TBC1D14: variants seen among roughly 807,000 people sequenced by gnomAD.
The protein encoded by TBC1D14 is TBC1 domain family, member 14.
In TBC1D14, 26 loss-of-function variants were observed where a neutral mutation model predicts 79.0. That is an observed-to-expected ratio of 0.33 (90% confidence interval 0.24 to 0.46). The LOEUF is 0.46. Ranked by LOEUF, TBC1D14 falls within the 20% of genes least tolerant of loss-of-function variation. The pLI is 1.00. For missense variants in TBC1D14, 769 were observed against 887.6 expected, an observed-to-expected ratio of 0.87 and a Z score of 1.70; for synonymous variants, 394 against 349.9, an observed-to-expected ratio of 1.13 and a Z score of -1.40.
chr4:6,937,048 G>A (rs1342337026), intron 2 of TBC1D14, among the ~76,000 whole-genome samples: 3 of 152,282 alleles, frequency 2.0e-5, no homozygotes, highest in Admixed American at 2.0e-4. Flanking sequence ...CTCCCTAGTA[G>A]CTGGGATTAC....
chr4:6,996,236 T>C, intron 4 of TBC1D14, 89 bp from the exon 5 acceptor site: 1 of 1,061,504 alleles, frequency 9.4e-7, no homozygotes, highest in South Asian at 1.4e-5. Context: ...TTGAGCTTTA[T>C]ATTTTTTAGG....
intron 3 of TBC1D14, among the ~76,000 whole-genome samples, chr4:6,980,387 T>C (rs915552779): frequency 1.3e-5 from 2 of 152,124 alleles, no homozygotes; most frequent in South Asian, 4.1e-4. Flanking sequence ...GTTGCAGTGC[T>C]TAGAGGGAAA....
chr4:7,027,774 C>T (rs1017926185), intron 13 of TBC1D14, among the ~76,000 whole-genome samples: 1 of 142,374 alleles, frequency 7.0e-6, no homozygotes, highest in African/African-American at 2.6e-5. Context: ...ACACACATCA[C>T]ACATCCATAC....
At chr4:6,987,406 T>A in intron 3 of TBC1D14, 1 of 1,359,744 alleles carries the variant, frequency 7.4e-7, no homozygotes. Flanking sequence ...CCCGGTCCCG[T>A]GGGCCTGTCC....
At chr4:7,019,492 G>C (rs1409205954) in intron 12 of TBC1D14, among the ~76,000 whole-genome samples, 3 of 152,154 alleles carry the variant, frequency 2.0e-5, no homozygotes, top group Non-Finnish European at 4.4e-5. Context: ...GCTTAGGTTG[G>C]GTCTTTATGG....
At chr4:7,026,833 G>C (rs550982197) in intron 13 of TBC1D14, among the ~76,000 whole-genome samples, 2 of 152,114 alleles carry the variant, frequency 1.3e-5, no homozygotes, top group Non-Finnish European at 2.9e-5. Flanking sequence ...GGAGGTCAAG[G>C]CTGCACTGGG....
intron 12 of TBC1D14, among the ~76,000 whole-genome samples, chr4:7,014,912 G>A (rs914900253): frequency 9.2e-5 from 14 of 152,232 alleles, no homozygotes; most frequent in Admixed American, 5.2e-4. Flanking sequence ...TGGGAGACAC[G>A]TGTGTCCATG....
chr4:6,993,977 T>G (rs530984818), intron 3 of TBC1D14, among the ~76,000 whole-genome samples: 25 of 152,280 alleles, frequency 1.6e-4, no homozygotes, highest in African/African-American at 6.0e-4. Context: ...GTCATTGCAC[T>G]CCAGCCTGGG....
chr4:6,949,956 T>C (rs1252557911), intron 2 of TBC1D14, among the ~76,000 whole-genome samples: 1 of 152,178 alleles, frequency 6.6e-6, no homozygotes, highest in East Asian at 1.9e-4. Context: ...GCAGGTTTGT[T>C]ACATAGGTAT....
intron 2 of TBC1D14, among the ~76,000 whole-genome samples, chr4:6,953,238 T>A (rs992432499): frequency 6.8e-6 from 1 of 147,224 alleles, no homozygotes; most frequent in African/African-American, 2.5e-5. Context: ...TTGGCCAGGC[T>A]GGTCTTGAAC....
intron 3 of TBC1D14, among the ~76,000 whole-genome samples, chr4:6,981,670 C>A (rs1577117685): frequency 6.6e-6 from 1 of 152,192 alleles, no homozygotes; most frequent in Non-Finnish European, 1.5e-5. Flanking sequence ...TAAAAAGTTA[C>A]AACCATGACA....
chr4:6,962,722 C>T (rs1451486081), intron 2 of TBC1D14, among the ~76,000 whole-genome samples: 1 of 152,046 alleles, frequency 6.6e-6, no homozygotes, highest in Non-Finnish European at 1.5e-5. Flanking sequence ...TCTCTCCCAG[C>T]CCCCCACTGC....
intron 12 of TBC1D14, among the ~76,000 whole-genome samples, chr4:7,024,074 C>T (rs529473348): frequency 8.5e-5 from 13 of 152,196 alleles, no homozygotes; most frequent in Non-Finnish European, 1.3e-4. Context: ...GAGGACAGGC[C>T]GCATCTAACG....
intron 3 of TBC1D14, among the ~76,000 whole-genome samples, chr4:6,976,281 C>G (rs1462707661): frequency 6.6e-6 from 1 of 152,114 alleles, no homozygotes; most frequent in Non-Finnish European, 1.5e-5. Flanking sequence ...CTGAATATCT[C>G]CCACATTTAG....
rs1715890757 is a variant in TBC1D14, at chr4:6,968,365, G to A, written c.843+941G>A. ...TGTGACAGGAAATTAATTGCTATGGGGATCATGTACTGAGTGATTACTGTG... is the reference window on the plus strand; with the variant it reads ...TGTGACAGGAAATTAATTGCTATGGAGATCATGTACTGAGTGATTACTGTG... On this transcript the variant is annotated intron_variant, in intron 3 of 13. Transcript: ENST00000409757. 2.0e-5 allele frequency among the ~76,000 whole-genome samples: 3 copies of A among 152,130 alleles called. No individual in the cohort carries two copies. The South Asian group carries it at 6.2e-4, about 32-fold the overall frequency.
At chr4:7,024,336 G>T (rs1412402515) in intron 12 of TBC1D14, among the ~76,000 whole-genome samples, 2 of 152,220 alleles carry the variant, frequency 1.3e-5, no homozygotes, top group Non-Finnish European at 2.9e-5. Flanking sequence ...CCGTAAGAGA[G>T]GTCCTCCAGG....
chr4:7,025,397 C>T (rs928733078), intron 13 of TBC1D14, 135 bp downstream of exon 13: 8 of 1,390,232 alleles, frequency 5.8e-6, no homozygotes, highest in Non-Finnish European at 7.7e-6. Flanking sequence ...TGAGGGGGGC[C>T]GGGTGGAGAC....
In TBC1D14 at chr4:6,979,275, G is replaced by T. The variant is rs778054064; in HGVS notation, c.843+11851G>T. On this transcript the variant is annotated intron_variant, in intron 3 of 13. Coordinates refer to ENST00000409757, the MANE Select transcript of TBC1D14 (RefSeq NM_020773.3). ...ATCAACAACTACATTAAATGTAAATGATCTGAACACAGCAGTTGTGTGTCT... is the reference window on the plus strand; with the variant it reads ...ATCAACAACTACATTAAATGTAAATTATCTGAACACAGCAGTTGTGTGTCT... Among the ~76,000 whole-genome samples the T allele has an allele frequency of 2.0e-5, 3 of 152,198 alleles. No individual in the cohort carries two copies. The South Asian group carries it at 6.2e-4, about 32-fold the overall frequency.
chr4:7,024,576 C>T (rs761623696), intron 12 of TBC1D14, among the ~76,000 whole-genome samples: 29 of 152,268 alleles, frequency 1.9e-4, no homozygotes, highest in Non-Finnish European at 4.0e-4. Flanking sequence ...GAAGGAGCCT[C>T]GTGCATGCTC....
Sources: gnomAD v4.1 joint callset for allele counts (sites outside exome capture counted in the v4.1 genomes callset) on GRCh38, gnomAD v4.1.1 for gene constraint, MANE v1.5 for transcripts, NCBI Gene and HGNC (gene_info 2026-07-23, HGNC 2026-07-21) for gene names.